KALRN: variants seen among roughly 807,000 people sequenced by gnomAD.
KALRN encodes kalirin RhoGEF kinase.
In KALRN, 70 loss-of-function variants were observed where a neutral mutation model predicts 353.7. The ratio of observed to expected loss-of-function variants is 0.20; its 90% CI spans 0.16 to 0.24. KALRN has a LOEUF of 0.24. Among genes scored for constraint, KALRN ranks in the 10% least tolerant of loss-of-function variants. KALRN has a pLI of 1.00. For missense variants in KALRN, 2,791 were observed against 3,756.7 expected (o/e 0.74, Z 6.72); for synonymous variants, 1,391 against 1,434.8 (o/e 0.97, Z 0.69).
chr3:124,704,438 G>A (rs1021237783), intron 57 of KALRN, among the ~76,000 whole-genome samples: 1 of 152,208 alleles, frequency 6.6e-6, no homozygotes, highest in Non-Finnish European at 1.5e-5. Context: ...GTCTCTAACA[G>A]CCTGAAGCTT....
intron 17 of KALRN, among the ~76,000 whole-genome samples, chr3:124,438,288 C>A (rs555568100): frequency 6.6e-6 from 1 of 152,310 alleles, no homozygotes; most frequent in East Asian, 1.9e-4. Context: ...AACTGTCTTT[C>A]AGGTTAACCC....
At chr3:124,634,020 G>A (rs778701524) in intron 36 of KALRN, 67 bp downstream of exon 36, 7 of 1,183,056 alleles carry the variant, frequency 5.9e-6, no homozygotes, top group African/African-American at 3.0e-5. Context: ...TTTTGTGTGT[G>A]ATGGGGGTAG....
intron 5 of KALRN, among the ~76,000 whole-genome samples, chr3:124,270,273 A>T (rs77262653): frequency 1.1e-3 from 167 of 152,276 alleles, no homozygotes; most frequent in African/African-American, 4.0e-3. Context: ...GTCTGATATC[A>T]TGGTTTTCTG....
At chr3:124,605,329 G>T (rs2077222536) in intron 34 of KALRN, among the ~76,000 whole-genome samples, 1 of 151,946 alleles carries the variant, frequency 6.6e-6, no homozygotes, top group Admixed American at 6.6e-5. Context: ...CCAGCACTTT[G>T]GGAGGCTAAG....
intron 15 of KALRN, among the ~76,000 whole-genome samples, chr3:124,425,007 C>T (rs1256087754): frequency 6.6e-6 from 1 of 152,106 alleles, no homozygotes; most frequent in Non-Finnish European, 1.5e-5. Flanking sequence ...AATAGAAGCC[C>T]TCCAACATTA....
chr3:124,603,307 C>T (rs1216803673), intron 34 of KALRN, among the ~76,000 whole-genome samples: 1 of 152,200 alleles, frequency 6.6e-6, no homozygotes, highest in Non-Finnish European at 1.5e-5. Context: ...CAAAGCCCTC[C>T]CAGATATCTA....
intron 1 of KALRN, among the ~76,000 whole-genome samples, chr3:124,056,496 A>G (rs888140038): frequency 3.3e-5 from 5 of 152,190 alleles, no homozygotes; most frequent in Non-Finnish European, 5.9e-5. Context: ...TTTCTTCACT[A>G]TAAAGTGAAA....
intron 33 of KALRN, among the ~76,000 whole-genome samples, chr3:124,527,707 T>A (rs948243322): frequency 1.3e-5 from 2 of 152,006 alleles, no homozygotes; most frequent in Non-Finnish European, 2.9e-5. Flanking sequence ...TCTTCATGCC[T>A]CCACTGAAGC....
chr3:124,639,951 C>T (rs2081846625), intron 37 of KALRN, among the ~76,000 whole-genome samples: 1 of 152,186 alleles, frequency 6.6e-6, no homozygotes. Flanking sequence ...CTCTTTCTCC[C>T]CTTCCCACAT....
intron 1 of KALRN, among the ~76,000 whole-genome samples, chr3:124,080,329 T>C (rs1022117213): frequency 6.6e-6 from 1 of 152,244 alleles, no homozygotes; most frequent in African/African-American, 2.4e-5. Flanking sequence ...CACAAATACA[T>C]TCTAAATTTC....
At chr3:124,659,483 G>A in intron 43 of KALRN, 26 bp downstream of exon 43, 1 of 1,478,580 alleles carries the variant, frequency 6.8e-7, no homozygotes, top group Non-Finnish European at 9.5e-7. Context: ...CCTGGGTGAG[G>A]GCTGGAGAAG....
chr3:124,256,113 G>A (rs922012854), intron 3 of KALRN, among the ~76,000 whole-genome samples: 1 of 152,168 alleles, frequency 6.6e-6, no homozygotes, highest in Non-Finnish European at 1.5e-5. Context: ...AATCCAGAGA[G>A]ACACTCTGGG....
chr3:124,561,290 C>G (rs2071975977), intron 33 of KALRN, among the ~76,000 whole-genome samples: 1 of 152,172 alleles, frequency 6.6e-6, no homozygotes, highest in Non-Finnish European at 1.5e-5. Context: ...TTTCTTCTGT[C>G]TCCTTCCACC....
intron 9 of KALRN, among the ~76,000 whole-genome samples, chr3:124,343,209 C>T (rs2081948107): frequency 6.6e-6 from 1 of 152,198 alleles, no homozygotes; most frequent in Non-Finnish European, 1.5e-5. Context: ...ATTGTCCAGG[C>T]TGGAATGGTG....
In KALRN at chr3:124,678,136, C is replaced by T. The variant is rs893129099; in HGVS notation, c.7194-54C>T. The T allele has an allele frequency of 9.0e-5, 144 of 1,600,538 alleles. 1 individual carries two copies. The African/African-American group carries it at 1.6e-3, about 18-fold the overall frequency. On this transcript the variant is annotated intron_variant, in intron 49 of 59. Coordinates refer to ENST00000682506, the MANE Select transcript of KALRN (RefSeq NM_001388419.1). ...ACCCAAGGGTGGTGAGCCCGCCCTC[C>T]ACATCGCTGTCCCTGACCTGCCATT...
At position 124,268,976 on chromosome 3, in the gene KALRN, C is replaced by G. The variant is rs200074249; in HGVS notation, c.690C>G (p.Asp230Glu). ...TGGAGGGCTCTCGGCGGCTCATTGA[C>G]GAACACACACAGCTCAAGAAAAAGG... ...VDVEGSRRLIDEHTQLKKKVL... is the reference protein window; with the variant it reads ...VDVEGSRRLIEEHTQLKKKVL... Residue 230 changes from aspartate (D) to glutamate (E), a missense_variant, in exon 5 of 60, where the codon GAC becomes GAG. Coordinates refer to ENST00000682506, the MANE Select transcript of KALRN (RefSeq NM_001388419.1). 20 of 1,614,096 alleles carry G rather than the reference C, an allele frequency of 1.2e-5. No homozygotes were observed. In the African/African-American group the frequency reaches 2.3e-4, roughly 18 times the overall value.
At chr3:124,409,575 C>A (rs2091949742) in intron 13 of KALRN, among the ~76,000 whole-genome samples, 1 of 152,100 alleles carries the variant, frequency 6.6e-6, no homozygotes, top group Non-Finnish European at 1.5e-5. Context: ...CTGGAGAGGG[C>A]AGAACTTGCT....
chr3:124,679,509 A>G lies in KALRN; in HGVS notation c.7369A>G (p.Ser2457Gly), dbSNP rs746461538. ...GTGTGATGATCTTGACCCTAATACT[A>G]GCATGGAGGTAGAAGCAGCTATTGT... ...SECDDLDPNT[S>G]MEILNPNFIQ... The change falls in exon 51 of 60, where the codon AGC becomes GGC. Residue 2457 changes from serine to glycine, a missense_variant. Ser to Gly is a moderately conservative substitution (Grantham distance 56, BLOSUM62 0). Transcript: ENST00000682506. 1.2e-5 allele frequency: 19 copies of G among 1,613,558 alleles called. No individual in the cohort carries two copies. The highest frequency in any genetic ancestry group is 1.5e-5 in the Non-Finnish European group (18 of 1,179,430).
intron 34 of KALRN, among the ~76,000 whole-genome samples, chr3:124,593,971 G>T (rs1385959755): frequency 1.3e-5 from 2 of 152,062 alleles, no homozygotes; most frequent in Non-Finnish European, 2.9e-5. Context: ...GGCATTACAG[G>T]TGTGAGCCAC....
Sources: allele counts gnomAD v4.1 joint callset (sites outside exome capture counted in the v4.1 genomes callset), GRCh38; gene constraint gnomAD v4.1.1; transcripts MANE v1.5; gene names NCBI Gene and HGNC (gene_info 2026-07-23, HGNC 2026-07-21).